Variants in AATK observed in about 807,000 individuals in gnomAD.
AATK encodes lemur tail kinase 1, also known as serine/threonine-protein kinase LMTK1.
In AATK, 91 loss-of-function variants were observed where a neutral mutation model predicts 114.3. That is an observed-to-expected ratio of 0.80 (90% CI 0.67 to 0.95). The LOEUF (loss-of-function observed/expected upper bound fraction) is 0.95, where lower values mean the gene tolerates loss of function less well. AATK is among the 40% of genes least tolerant of loss of function. AATK has a pLI of 0.00. For synonymous variants in AATK, 1,075 were observed against 916.5 expected (o/e 1.17, Z -3.12); for missense variants, 2,176 against 1,965.2 (o/e 1.11, Z -2.03).
chr17:81,122,122 C>T lies in AATK; in HGVS notation c.1814G>A (p.Cys605Tyr), dbSNP rs771886778. Reference protein sequence around the residue: ...PRRSLARDPLCPSRSPSPSAG... With the variant: ...PRRSLARDPLYPSRSPSPSAG... ...CGAGGGCGAGGGAGAGCGTGAGGGGCAGAGCGGGTCCCGCGCCAAGCTTCT... is the reference window on the plus strand; with the variant it reads ...CGAGGGCGAGGGAGAGCGTGAGGGGTAGAGCGGGTCCCGCGCCAAGCTTCT... The change falls in exon 11 of 14, where the codon TGC becomes TAC. Residue 605 changes from cysteine (C) to tyrosine (Y), a missense_variant. Cys to Tyr is a radical substitution (Grantham distance 194, BLOSUM62 -2). Around this residue, in one of 4 missense-constraint regions of AATK, gnomAD observed 1,701 missense variants for 1,394.7 expected, o/e 1.22. Transcript: ENST00000326724. The T allele has an allele frequency of 3.2e-6, 5 of 1,547,134 alleles. No homozygotes were observed. The highest frequency in any genetic ancestry group is 3.7e-5 in the Admixed American group (2 of 53,846).
chr17:81,123,968 C>T (rs2060744526), intron 9 of AATK, among the ~76,000 whole-genome samples: 1 of 152,166 alleles, frequency 6.6e-6, no homozygotes, highest in Non-Finnish European at 1.5e-5. Flanking sequence ...AGCCCTGTGA[C>T]TGGAGACCCC....
intron 13 of AATK, 72 bp downstream of exon 13, chr17:81,119,308 G>A (rs1033742232): frequency 2.2e-6 from 3 of 1,376,482 alleles, no homozygotes; most frequent in South Asian, 2.9e-5. Context: ...CCTAGACGGA[G>A]GGGCCCCACC....
chr17:81,128,198 C>T (rs77152208), intron 4 of AATK, among the ~76,000 whole-genome samples: 2 of 152,132 alleles, frequency 1.3e-5, no homozygotes, highest in South Asian at 2.1e-4. Flanking sequence ...CCAGGTGTCT[C>T]GTTTAGGCCA....
chr17:81,132,042 G>A lies in AATK; in HGVS notation c.190-837C>T, dbSNP rs1226938610. On this transcript the variant is annotated intron_variant, in intron 2 of 13. Transcript: ENST00000326724. ...CCCTGCCAGGCTGCTATTTTGAAAT[G>A]TAGAGGCTGCACCTGTATAGGGGAT... is the stretch of plus-strand genomic sequence containing the variant. The A allele has an allele frequency of 8.4e-6, 11 of 1,302,524 alleles. No individual in the cohort carries two copies. The East Asian group carries it at 6.1e-4, about 72-fold the overall frequency. 80.7% of individuals were successfully genotyped at this position (1,302,524 alleles called of 1,614,324 possible).
At chr17:81,161,256 T>G (rs938738553) in intron 1 of AATK, among the ~76,000 whole-genome samples, 3 of 151,916 alleles carry the variant, frequency 2.0e-5, no homozygotes, top group Admixed American at 6.5e-5. Context: ...GCTGGCGGGA[T>G]CCTTCCTGCC....
intron 9 of AATK, among the ~76,000 whole-genome samples, chr17:81,124,178 T>TG (rs1451027607): frequency 3.8e-4 from 27 of 71,982 alleles, no homozygotes; most frequent in African/African-American, 1.3e-3. Flanking sequence ...TGGGGGCGGT[T>TG]GGGGAAGCAG....
chr17:81,154,589 A>G (rs9674665), intron 1 of AATK, among the ~76,000 whole-genome samples: 16 of 141,768 alleles, frequency 1.1e-4, no homozygotes, highest in African/African-American at 4.0e-4. Flanking sequence ...AAAGTGCTGG[A>G]ATTACAGGCG....
Position 81,121,112 on chromosome 17 carries a change from C to T in AATK, c.2824G>A (p.Glu942Lys), listed in dbSNP as rs778718951. ...ACAAACTCAGGGGACTCATAGTTCT[C>T]GGTGTCATAGCCACTGTCCAGCGCT... ...PRALDSGYDT[E>K]NYESPEFVLK... The change falls in exon 11 of 14, where the codon GAG (glutamate) becomes AAG (lysine). Residue 942 changes from glutamate (E) to lysine (K), a missense_variant. Around this residue, in one of 4 missense-constraint regions of AATK, gnomAD observed 1,701 missense variants for 1,394.7 expected, o/e 1.22. Transcript: ENST00000326724. 54 of 1,604,820 alleles carry T rather than the reference C, an allele frequency of 3.4e-5. No individual in the cohort carries two copies. The highest frequency in any genetic ancestry group is 5.3e-5 in the African/African-American group (4 of 74,816).
intron 1 of AATK, among the ~76,000 whole-genome samples, chr17:81,163,543 C>A (rs2061449700): frequency 6.6e-6 from 1 of 152,250 alleles, no homozygotes; most frequent in South Asian, 2.1e-4. Context: ...GGCTGGAAGG[C>A]TGCAGCTGCC....
In AATK at chr17:81,126,414, C is replaced by T. The variant is rs139772420; in HGVS notation, c.755+13G>A. On this transcript the variant is annotated intron_variant, in intron 7 of 13. Transcript: ENST00000326724. This position sits in a 1 kb window ranked among gnomAD's most constrained non-coding sequence, Gnocchi z 5.1. ...CTAGGGCTTCCCGGCCGCTGGCCCG[C>T]GCCCGCCCTCACCTGTGCACGAAAT... 3,122 of 1,553,316 alleles carry T rather than the reference C, an allele frequency of 2.0e-3. 55 individuals carry two copies. The African/African-American group carries it at 0.036, about 18-fold the overall frequency.
At chr17:81,140,190 G>A (rs1426750675) in intron 1 of AATK, among the ~76,000 whole-genome samples, 1 of 152,136 alleles carries the variant, frequency 6.6e-6, no homozygotes, top group Non-Finnish European at 1.5e-5. Flanking sequence ...CCTGGCTGGT[G>A]ACTGTTTCTA....
intron 1 of AATK, among the ~76,000 whole-genome samples, chr17:81,143,049 G>C (rs1331346228): frequency 6.6e-6 from 1 of 152,244 alleles, no homozygotes; most frequent in Admixed American, 6.5e-5. Context: ...TCAGCACAGA[G>C]CTGGGGGATC....
chr17:81,127,668 G>T lies in AATK; in HGVS notation c.536C>A (p.Ala179Asp). The T allele has an allele frequency of 6.3e-7, 1 of 1,583,458 alleles. No individual in the cohort carries two copies. Among genetic ancestry groups the T allele is most frequent in the Non-Finnish European group, 8.6e-7 (1 of 1,165,396 alleles). Residue 179 changes from alanine to aspartate, a missense_variant and splice_region_variant, in exon 6 of 14, where the codon GCC becomes GAC. This residue lies in a region of AATK where 273 missense variants were observed against 344.1 expected (regional missense o/e 0.79). Transcript: ENST00000326724. ...QFLEEVQPYR[A>D]LKHSNLLQCL... Reference sequence around the variant, plus strand: ...CTGGAGCAGGTTGCTGTGCTTCAGGGCCCTGCGGGAGTGGACAGGCGGCCC... The same window carrying T: ...CTGGAGCAGGTTGCTGTGCTTCAGGTCCCTGCGGGAGTGGACAGGCGGCCC...
chr17:81,150,908 A>G (rs1436129009), intron 1 of AATK, among the ~76,000 whole-genome samples: 1 of 152,208 alleles, frequency 6.6e-6, no homozygotes, highest in East Asian at 1.9e-4. Flanking sequence ...AGTCAAGGGC[A>G]GACGGTACTG....
chr17:81,129,052 G>T, intron 3 of AATK: 1 of 369,558 alleles, frequency 2.7e-6, no homozygotes. Context: ...CCGAGGGCCA[G>T]GCCGGGTGAG....
At chr17:81,131,818 C>G (rs973767868) in intron 2 of AATK, 1 of 1,286,332 alleles carries the variant, frequency 7.8e-7, no homozygotes, top group Non-Finnish European at 1.0e-6. Flanking sequence ...CAATTAAGTG[C>G]CCCCACCCCT....
chr17:81,122,097 C>CGAGGGCGAGGGA lies in AATK; in HGVS notation c.1827_1838dup (p.Pro610_Ser613dup). 6.4e-7 allele frequency: 1 copy of CGAGGGCGAGGGA among 1,572,300 alleles called. No homozygotes were observed. The highest frequency in any genetic ancestry group is 8.6e-7 in the Non-Finnish European group (1 of 1,164,914). On this transcript the variant is annotated inframe_insertion, in exon 11 of 14. Coordinates refer to ENST00000326724, the MANE Select transcript of AATK (RefSeq NM_001080395.3). ...CCTCCGCCAGACTCAGGGGCCCCGC[C>CGAGGGCGAGGGA]GAGGGCGAGGGAGAGCGTGAGGGGC...
At position 81,122,212 on chromosome 17, in the gene AATK, T is replaced by A. The variant is rs1266043562; in HGVS notation, c.1724A>T (p.Glu575Val). The A allele has an allele frequency of 2.7e-6, 4 of 1,498,098 alleles. No individual in the cohort carries two copies. Among genetic ancestry groups the A allele is most frequent in the Non-Finnish European group, 3.6e-6 (4 of 1,126,030 alleles). 92.8% of individuals were successfully genotyped at this position (1,498,098 alleles called of 1,614,324 possible). A position where few individuals can be genotyped will look rare whatever the true frequency, so the allele number is the denominator to read the frequency against. ...DGSTAASLAMEPLLGHGPPVD... is the reference protein window; with the variant it reads ...DGSTAASLAMVPLLGHGPPVD... ...GGGTGGCCCGTGGCCCAGCAGCGGC[T>A]CCATGGCCAGCGAGGCGGCGGTGCT... is the stretch of plus-strand genomic sequence containing the variant. The change falls in exon 11 of 14, where the codon GAG (glutamate) becomes GTG (valine). Residue 575 changes from glutamate to valine, a missense_variant. Physicochemically the swap from Glu to Val is moderately radical, Grantham distance 121. Transcript: ENST00000326724.
At chr17:81,135,560 C>T (rs893069938) in intron 1 of AATK, among the ~76,000 whole-genome samples, 25 of 152,154 alleles carry the variant, frequency 1.6e-4, no homozygotes, top group Non-Finnish European at 4.4e-5. Flanking sequence ...CCAGCACACC[C>T]CCAAAGGTGT....
Sources: gnomAD v4.1 joint callset for allele counts (sites outside exome capture counted in the v4.1 genomes callset) on GRCh38, gnomAD v4.1.1 for gene constraint, gnomAD v4.1.1 regional missense constraint, Gnocchi (gnomAD v3.1) non-coding constraint, MANE v1.5 for transcripts, NCBI Gene and HGNC (gene_info 2026-07-23, HGNC 2026-07-21) for gene names.